Variants in SHISA9 observed in about 807,000 individuals in gnomAD.
SHISA9 encodes protein shisa-9.
In SHISA9, 13 loss-of-function variants were observed where a neutral mutation model predicts 38.0. The ratio of observed to expected loss-of-function variants is 0.34; its 90% confidence interval spans 0.22 to 0.54. The LOEUF (loss-of-function observed/expected upper bound fraction) is 0.54. Ranked by LOEUF, SHISA9 falls within the 20% of genes least tolerant of loss-of-function variation. The pLI is 0.91. For synonymous variants in SHISA9, 275 were observed against 242.0 expected (o/e 1.14, Z -1.27); for missense variants, 538 against 575.8 (o/e 0.93, Z 0.67).
the SHISA9 span, among the ~76,000 whole-genome samples, chr16:13,479,229 T>C: frequency 6.6e-6 from 1 of 152,198 alleles, no homozygotes; most frequent in Non-Finnish European, 1.5e-5. Context: ...GCCCCTGTGA[T>C]TACTGTGAGC....
intron 4 of SHISA9, among the ~76,000 whole-genome samples, chr16:13,226,039 A>C (rs1216930779): frequency 6.6e-6 from 1 of 152,162 alleles, no homozygotes; most frequent in African/African-American, 2.4e-5. Context: ...GATTAGGTTA[A>C]TGCATTTATT....
intron 2 of SHISA9, among the ~76,000 whole-genome samples, chr16:13,052,276 C>T (rs79458907): frequency 3.9e-3 from 601 of 152,234 alleles, no homozygotes; most frequent in Non-Finnish European, 6.2e-3. Context: ...GAGACATTTT[C>T]CCCCCTCCTT....
chr16:13,022,224 T>C (rs1446240302), intron 2 of SHISA9, among the ~76,000 whole-genome samples: 4 of 152,156 alleles, frequency 2.6e-5, no homozygotes, highest in Non-Finnish European at 4.4e-5. Flanking sequence ...CAATCACAGC[T>C]CACTGCAGCT....
At chr16:13,419,490 T>G in the SHISA9 span, among the ~76,000 whole-genome samples, 1 of 152,230 alleles carries the variant, frequency 6.6e-6, no homozygotes, top group African/African-American at 2.4e-5. Context: ...TTCCTAAGCA[T>G]TTTTAGTTTT....
At chr16:13,547,041 A>G in the SHISA9 span, among the ~76,000 whole-genome samples, 1 of 152,200 alleles carries the variant, frequency 6.6e-6, no homozygotes, top group Non-Finnish European at 1.5e-5. Context: ...AACCACTGAT[A>G]TCTTACCTTG....
intron 2 of SHISA9, among the ~76,000 whole-genome samples, chr16:13,126,648 GGAGA>G (rs72374182): frequency 1.4e-5 from 2 of 143,948 alleles, no homozygotes; most frequent in African/African-American, 5.4e-5. Flanking sequence ...AGAGAGAGGT[GGAGA>G]GAGAGACTGA....
At chr16:13,255,947 T>C in the SHISA9 span, among the ~76,000 whole-genome samples, 3 of 152,188 alleles carry the variant, frequency 2.0e-5, no homozygotes, top group Non-Finnish European at 4.4e-5. Flanking sequence ...ATCCTTAACA[T>C]TTCTTCCCTG....
chr16:13,562,546 C>T, the SHISA9 span, among the ~76,000 whole-genome samples: 1 of 148,952 alleles, frequency 6.7e-6, no homozygotes, highest in South Asian at 2.1e-4. Context: ...GGGAGAATCT[C>T]TTGAACCCGG....
In SHISA9 at chr16:13,061,905, G is replaced by A. The variant is rs561291940; in HGVS notation, c.692-141489G>A. 1.2e-3 allele frequency among the ~76,000 whole-genome samples: 188 copies of A among 152,162 alleles called. 2 individuals carry two copies. The highest frequency in any genetic ancestry group is 4.6e-4 in the Non-Finnish European group (31 of 68,038). The stretch of plus-strand genomic sequence containing the variant: ...AATGGTGGGGGGAGGAGCATTCTAA[G>A]CAGACGGAAGAGCCTGCACAAGTTC... On this transcript the variant is annotated intron_variant, in intron 2 of 4. Transcript: ENST00000558583.
chr16:13,471,435 C>G, the SHISA9 span, among the ~76,000 whole-genome samples: 2 of 152,212 alleles, frequency 1.3e-5, no homozygotes, highest in African/African-American at 2.4e-5. Flanking sequence ...AGATCCGACT[C>G]TCTCCTTTTT....
intron 2 of SHISA9, among the ~76,000 whole-genome samples, chr16:12,996,948 C>T (rs940811476): frequency 6.6e-6 from 1 of 152,168 alleles, no homozygotes; most frequent in Non-Finnish European, 1.5e-5. Context: ...TTCTGCAGCC[C>T]CCAACTGCCA....
intron 2 of SHISA9, among the ~76,000 whole-genome samples, chr16:13,155,712 G>A (rs1301786737): frequency 6.6e-6 from 1 of 152,158 alleles, no homozygotes; most frequent in African/African-American, 2.4e-5. Context: ...GGGCCTGGGG[G>A]AAACGTGGCT....
intron 2 of SHISA9, among the ~76,000 whole-genome samples, chr16:13,192,663 C>T (rs1567242006): frequency 6.6e-6 from 1 of 152,098 alleles, no homozygotes; most frequent in Non-Finnish European, 1.5e-5. Context: ...ATCACGAGGT[C>T]AGGAGATCGA....
At chr16:13,049,794 C>A (rs1319534755) in intron 2 of SHISA9, among the ~76,000 whole-genome samples, 1 of 151,992 alleles carries the variant, frequency 6.6e-6, no homozygotes, top group African/African-American at 2.4e-5. Context: ...CTTATGCTTC[C>A]AGATGATTCT....
At chr16:13,159,068 A>C (rs541004662) in intron 2 of SHISA9, among the ~76,000 whole-genome samples, 1,911 of 151,842 alleles carry the variant, frequency 0.013, 25 homozygotes, top group South Asian at 0.024. Flanking sequence ...CAAAAAAAAA[A>C]AAAACAAAAC....
chr16:13,508,846 T>C, the SHISA9 span, among the ~76,000 whole-genome samples: 1 of 152,230 alleles, frequency 6.6e-6, no homozygotes, highest in Non-Finnish European at 1.5e-5. Flanking sequence ...CCTTCCACTC[T>C]TCTGGTTCCT....
chr16:13,543,124 C>T, the SHISA9 span, among the ~76,000 whole-genome samples: 1 of 152,184 alleles, frequency 6.6e-6, no homozygotes, highest in African/African-American at 2.4e-5. Flanking sequence ...GGAGATACAG[C>T]AGAGAACAAG....
the SHISA9 span, among the ~76,000 whole-genome samples, chr16:13,482,011 T>C: frequency 2.6e-5 from 4 of 152,296 alleles, no homozygotes; most frequent in Admixed American, 6.5e-5. Context: ...CCTTCCTCCA[T>C]TGGGTACTTG....
intron 3 of SHISA9, among the ~76,000 whole-genome samples, chr16:13,211,826 C>T (rs1395582659): frequency 6.6e-6 from 1 of 152,162 alleles, no homozygotes; most frequent in Non-Finnish European, 1.5e-5. Context: ...AGATGGCTTC[C>T]CTGGAGTCAG....
Sources: allele counts gnomAD v4.1 joint callset (sites outside exome capture counted in the v4.1 genomes callset), GRCh38; gene constraint gnomAD v4.1.1; transcripts MANE v1.5; gene names NCBI Gene and HGNC (gene_info 2026-07-23, HGNC 2026-07-21).